PRICKLE1: variants seen among roughly 807,000 people sequenced by gnomAD.
The protein encoded by PRICKLE1 is prickle planar cell polarity protein 1.
In PRICKLE1, 14 loss-of-function variants were observed where a neutral mutation model predicts 70.2. The ratio of observed to expected loss-of-function variants is 0.20; its 90% CI spans 0.13 to 0.31. The LOEUF is 0.31. PRICKLE1 is among the 10% of genes least tolerant of loss of function. The probability of loss-of-function intolerance (pLI) is 1.00; values close to 1 mark genes in which losing one functional copy is unlikely to be tolerated. For missense variants in PRICKLE1, 821 were observed against 1,026.2 expected, an observed-to-expected ratio of 0.80 and a Z score of 2.73; for synonymous variants, 357 against 379.9, an observed-to-expected ratio of 0.94 and a Z score of 0.70.
rs150018482 is a variant in PRICKLE1 at position 42,498,205 on chromosome 12, C to T, written c.-48-25641G>A. The stretch of plus-strand genomic sequence containing the variant: ...TTTTTTTTTTGGAGACAGGGTCTTG[C>T]TCTGTCACCCAGGCTAGAATGCGGT... On this transcript the variant is annotated intron_variant, in intron 1 of 7. Transcript: ENST00000345127. 7.1e-3 allele frequency among the ~76,000 whole-genome samples: 1,038 copies of T among 145,580 alleles called. 8 individuals are homozygous for T. The highest frequency in any genetic ancestry group is 0.011 in the Non-Finnish European group (748 of 67,060).
intron 7 of PRICKLE1, among the ~76,000 whole-genome samples, chr12:42,462,078 G>A (rs1342806233): frequency 5.3e-5 from 8 of 152,164 alleles, no homozygotes; most frequent in African/African-American, 9.7e-5. Flanking sequence ...GATTACAGGT[G>A]TGAGCCACCG....
At chr12:42,559,681 C>T (rs1391032168) in intron 1 of PRICKLE1, among the ~76,000 whole-genome samples, 1 of 143,946 alleles carries the variant, frequency 6.9e-6, no homozygotes, top group Non-Finnish European at 1.5e-5. Context: ...CCAGCCTGAT[C>T]TGGAACTCCT....
chr12:42,477,407 A>G (rs1164564436), intron 1 of PRICKLE1, among the ~76,000 whole-genome samples: 1 of 147,924 alleles, frequency 6.8e-6, no homozygotes, highest in Non-Finnish European at 1.5e-5. Context: ...ATATATACAC[A>G]TATTATATAT....
intron 1 of PRICKLE1, among the ~76,000 whole-genome samples, chr12:42,549,900 G>A (rs1050056851): frequency 6.6e-6 from 1 of 152,054 alleles, no homozygotes; most frequent in Admixed American, 6.6e-5. Context: ...CCTGCTTTGG[G>A]GGCCTCCCTG....
rs1555240080 is a variant in PRICKLE1, at chr12:42,559,606, G to GTGTA, written c.-49+29858_-49+29859insTACA. Among the ~76,000 whole-genome samples the GTGTA allele has an allele frequency of 9.0e-4, 100 of 110,718 alleles. 3 individuals are homozygous for GTGTA. Among genetic ancestry groups the GTGTA allele is most frequent in the Non-Finnish European group, 8.3e-4 (46 of 55,226 alleles). 72.6% of individuals were successfully genotyped at this position (110,718 alleles called of 152,430 possible). A position where few individuals can be genotyped will look rare whatever the true frequency, so the allele number is the denominator to read the frequency against. ...TGTGTTTATGTGTGTGTGTGTGTGT[G>GTGTA]TATATATATATATATATATTTTTTT... On this transcript the variant is annotated intron_variant, in intron 1 of 7. Coordinates refer to ENST00000345127, the MANE Select transcript of PRICKLE1 (RefSeq NM_153026.3).
In PRICKLE1 at chr12:42,465,018, C is replaced by T. The variant is rs764895755; in HGVS notation, c.1016G>A (p.Ser339Asn). 8.7e-6 allele frequency: 14 copies of T among 1,602,158 alleles called. No individual in the cohort carries two copies. The highest frequency in any genetic ancestry group is 1.7e-4 in the Middle Eastern group (1 of 6,004). Residue 339 changes from serine to asparagine, a missense_variant, in exon 7 of 8, where the codon AGC becomes AAC. Transcript: ENST00000345127. ...DSRRSVRMGK[S>N]SRSADQCRQS... Reference sequence around the variant, plus strand: ...TCTACACTGATCTGCTGACCGGCTGCTCTTGCCCATTCGGACACTTCTTCG... The same window carrying T: ...TCTACACTGATCTGCTGACCGGCTGTTCTTGCCCATTCGGACACTTCTTCG...
At chr12:42,477,480 GTGTATATATATATATATATA>G (rs1209037228) in intron 1 of PRICKLE1, among the ~76,000 whole-genome samples, 38 of 69,064 alleles carry the variant, frequency 5.5e-4, no homozygotes, top group Admixed American at 1.2e-3. Flanking sequence ...GTGTGTGTGT[GTGTATATATATATATATATA>G]TATATATATA....
At chr12:42,482,138 GCTATCACACATCA>G (rs1938814197) in intron 1 of PRICKLE1, among the ~76,000 whole-genome samples, 3 of 152,336 alleles carry the variant, frequency 2.0e-5, no homozygotes, top group Admixed American at 1.3e-4. Context: ...AGCTGAGTGG[GCTATCACACATCA>G]CCCAATGGTC....
chr12:42,565,412 G>T (rs1049444443), intron 1 of PRICKLE1, among the ~76,000 whole-genome samples: 1 of 152,192 alleles, frequency 6.6e-6, no homozygotes, highest in African/African-American at 2.4e-5. Context: ...GAACAGAATA[G>T]GGGATGTGGG....
chr12:42,577,613 A>G (rs1256469924), intron 1 of PRICKLE1, among the ~76,000 whole-genome samples: 1 of 152,176 alleles, frequency 6.6e-6, no homozygotes, highest in East Asian at 1.9e-4. Flanking sequence ...ACATTTTTAG[A>G]GTCAAGTAAA....
chr12:42,522,039 G>A (rs1399692228), intron 1 of PRICKLE1, among the ~76,000 whole-genome samples: 1 of 149,326 alleles, frequency 6.7e-6, no homozygotes, highest in African/African-American at 2.5e-5. Flanking sequence ...GCAGTGGCAC[G>A]ATCTCGGCTC....
chr12:42,578,912 C>T, intron 1 of PRICKLE1, among the ~76,000 whole-genome samples: 1 of 152,102 alleles, frequency 6.6e-6, no homozygotes, highest in East Asian at 1.9e-4. Flanking sequence ...CAGGCGTGCA[C>T]AACCACGCCA....
intron 6 of PRICKLE1, 36 bp from the exon 7 acceptor site, chr12:42,465,294 G>T: frequency 6.2e-7 from 1 of 1,608,890 alleles, no homozygotes; most frequent in South Asian, 1.1e-5. Flanking sequence ...AACAGGTTAT[G>T]GTTTAATGCC....
intron 1 of PRICKLE1, among the ~76,000 whole-genome samples, chr12:42,559,209 T>C (rs983554424): frequency 6.6e-6 from 1 of 152,174 alleles, no homozygotes; most frequent in Non-Finnish European, 1.5e-5. Flanking sequence ...CTGGTGGCTT[T>C]TAGAAAACAT....
intron 1 of PRICKLE1, among the ~76,000 whole-genome samples, chr12:42,492,035 C>T (rs551939144): frequency 3.3e-5 from 5 of 151,924 alleles, no homozygotes; most frequent in South Asian, 2.1e-4. Context: ...CTGCCTGTCT[C>T]GGCCTCCCAA....
chr12:42,490,539 C>A (rs1197784748), intron 1 of PRICKLE1, among the ~76,000 whole-genome samples: 1 of 152,170 alleles, frequency 6.6e-6, no homozygotes, highest in Non-Finnish European at 1.5e-5. Context: ...GTGGAGAAAA[C>A]CCTGCAGAGA....
intron 1 of PRICKLE1, among the ~76,000 whole-genome samples, chr12:42,558,372 G>A (rs1405886190): frequency 6.6e-6 from 1 of 152,188 alleles, no homozygotes; most frequent in East Asian, 1.9e-4. Context: ...ATTTGTTAAT[G>A]GTTTGGTAGA....
intron 1 of PRICKLE1, chr12:42,584,252 T>TG (rs556433932): frequency 3.2e-4 from 48 of 151,808 alleles, no homozygotes; most frequent in African/African-American, 1.0e-3. Flanking sequence ...TAGAGGAATC[T>TG]GGGAAAAAAA....
At chr12:42,517,921 G>A (rs1019876372) in intron 1 of PRICKLE1, among the ~76,000 whole-genome samples, 12 of 151,068 alleles carry the variant, frequency 7.9e-5, no homozygotes, top group East Asian at 5.8e-4. Context: ...TGCATTTATC[G>A]AGTTTGAAGG....
Sources: allele counts gnomAD v4.1 joint callset (sites outside exome capture counted in the v4.1 genomes callset), GRCh38; gene constraint gnomAD v4.1.1; transcripts MANE v1.5; gene names NCBI Gene and HGNC (gene_info 2026-07-23, HGNC 2026-07-21).